LPCAT2: variants seen among roughly 807,000 people sequenced by gnomAD.
The protein encoded by LPCAT2 is 1-AGP acyltransferase 11.
A neutral mutation model predicts 64.7 loss-of-function variants in LPCAT2; 58 were observed. The ratio of observed to expected loss-of-function variants is 0.90; its 90% CI spans 0.73 to 1.12. The LOEUF (loss-of-function observed/expected upper bound fraction) is 1.12, where lower values mean the gene tolerates loss of function less well. Ranked by LOEUF, LPCAT2 falls within the 50% of genes most tolerant of loss-of-function variation. LPCAT2 has a pLI of 0.00. For synonymous variants in LPCAT2, 252 were observed against 245.3 expected (o/e 1.03, Z -0.26); for missense variants, 579 against 669.8 (o/e 0.86, Z 1.50).
intron 1 of LPCAT2, among the ~76,000 whole-genome samples, chr16:55,514,510 G>T (rs1962979383): frequency 6.6e-6 from 1 of 152,120 alleles, no homozygotes; most frequent in Non-Finnish European, 1.5e-5. Flanking sequence ...TAGCCACAAT[G>T]ACAAAGAATA....
At chr16:55,535,399 T>C (rs1367373585) in intron 7 of LPCAT2, among the ~76,000 whole-genome samples, 1 of 152,200 alleles carries the variant, frequency 6.6e-6, no homozygotes. Context: ...TTTGAAATAA[T>C]AAATTTAAAT....
chr16:55,582,166 A>G (rs551894395), intron 13 of LPCAT2, among the ~76,000 whole-genome samples: 4 of 152,346 alleles, frequency 2.6e-5, no homozygotes, highest in African/African-American at 9.6e-5. Flanking sequence ...GAAGTTTTAT[A>G]AAGTGAACAC....
At chr16:55,533,000 G>A in intron 6 of LPCAT2, 118 bp downstream of exon 6, 1 of 764,200 alleles carries the variant, frequency 1.3e-6, no homozygotes, top group Middle Eastern at 2.5e-4. Flanking sequence ...AAGCAAATGG[G>A]AGAGCTCATT....
intron 11 of LPCAT2, among the ~76,000 whole-genome samples, chr16:55,557,300 T>C (rs781699545): frequency 1.3e-5 from 2 of 151,084 alleles, no homozygotes; most frequent in Non-Finnish European, 3.0e-5. Flanking sequence ...CTTCTCTCTC[T>C]CTCTCTTTCT....
chr16:55,530,904 G>T (rs1305201010), intron 4 of LPCAT2, among the ~76,000 whole-genome samples: 1 of 152,080 alleles, frequency 6.6e-6, no homozygotes, highest in Non-Finnish European at 1.5e-5. Flanking sequence ...TCAGGCATTG[G>T]CTGAACTACC....
At chr16:55,523,894 T>C (rs2142395743) in intron 1 of LPCAT2, among the ~76,000 whole-genome samples, 1 of 151,954 alleles carries the variant, frequency 6.6e-6, no homozygotes, top group Non-Finnish European at 1.5e-5. Flanking sequence ...AAATAGGTGT[T>C]TTTTCTTTTA....
intron 7 of LPCAT2, among the ~76,000 whole-genome samples, chr16:55,537,269 T>A (rs1425184513): frequency 6.6e-6 from 1 of 152,020 alleles, no homozygotes; most frequent in Admixed American, 6.6e-5. Flanking sequence ...CTCACACCTG[T>A]AGTCTCAGCT....
intron 1 of LPCAT2, among the ~76,000 whole-genome samples, chr16:55,512,331 A>G (rs2142385971): frequency 6.6e-6 from 1 of 152,346 alleles, no homozygotes; most frequent in African/African-American, 2.4e-5. Context: ...TAGTCAAAAT[A>G]TGAAAAACTA....
intron 1 of LPCAT2, among the ~76,000 whole-genome samples, chr16:55,521,668 G>A (rs1963098011): frequency 6.6e-6 from 1 of 151,612 alleles, no homozygotes; most frequent in Non-Finnish European, 1.5e-5. Context: ...AGGAATATAA[G>A]GTTGATTTAA....
intron 8 of LPCAT2, among the ~76,000 whole-genome samples, chr16:55,544,781 C>T (rs1427191117): frequency 6.6e-6 from 1 of 152,106 alleles, no homozygotes; most frequent in Non-Finnish European, 1.5e-5. Flanking sequence ...TGCTCTCATA[C>T]TCCAGGAAGG....
intron 1 of LPCAT2, among the ~76,000 whole-genome samples, chr16:55,514,694 G>A (rs1203207633): frequency 6.6e-6 from 1 of 152,112 alleles, no homozygotes; most frequent in African/African-American, 2.4e-5. Context: ...ACAAAGTATA[G>A]CTTATAAATA....
chr16:55,537,482 T>G, intron 7 of LPCAT2, 96 bp from the exon 8 acceptor site: 1 of 898,324 alleles, frequency 1.1e-6, no homozygotes, highest in East Asian at 2.6e-5. Flanking sequence ...TGAAGTGTGA[T>G]GTGAGGGTAT....
chr16:55,559,815 C>A (rs2142406649), intron 11 of LPCAT2, among the ~76,000 whole-genome samples: 2 of 143,430 alleles, frequency 1.4e-5, no homozygotes, highest in East Asian at 2.1e-4. Flanking sequence ...GACACATAAA[C>A]TTTTCTATTC....
At chr16:55,516,557 A>G (rs1291443352) in intron 1 of LPCAT2, among the ~76,000 whole-genome samples, 3 of 152,244 alleles carry the variant, frequency 2.0e-5, no homozygotes, top group African/African-American at 4.8e-5. Flanking sequence ...TGCTAAAGAA[A>G]GACATTTATA....
chr16:55,552,859 G>C (rs1466436959), intron 11 of LPCAT2, among the ~76,000 whole-genome samples: 2 of 127,284 alleles, frequency 1.6e-5, no homozygotes, highest in Non-Finnish European at 3.3e-5. Flanking sequence ...GGTAGTTGCT[G>C]AAGGCTGGGC....
chr16:55,563,770 T>C (rs1159190009), intron 11 of LPCAT2, among the ~76,000 whole-genome samples: 12 of 151,884 alleles, frequency 7.9e-5, no homozygotes, highest in Admixed American at 7.2e-4. Context: ...GACTGAAAGC[T>C]TTTCCTCTAA....
At chr16:55,514,360 C>A (rs561304188) in intron 1 of LPCAT2, among the ~76,000 whole-genome samples, 1 of 152,278 alleles carries the variant, frequency 6.6e-6, no homozygotes, top group South Asian at 2.1e-4. Flanking sequence ...TCATCTGTCA[C>A]CTGACTGTTT....
At chr16:55,535,909 T>C (rs1305051803) in intron 7 of LPCAT2, among the ~76,000 whole-genome samples, 1 of 152,090 alleles carries the variant, frequency 6.6e-6, no homozygotes, top group Non-Finnish European at 1.5e-5. Flanking sequence ...AATAGACGGG[T>C]TTAGTTAATC....
In LPCAT2 at chr16:55,563,935, T is replaced by C. The variant is rs117403967; in HGVS notation, c.1216-10696T>C. ...TCTCTGTTAACAAATGATATGATCT[T>C]ATTTGTAGAAAACCCTAAAGATTAC... is the stretch of plus-strand genomic sequence containing the variant. On this transcript the variant is annotated intron_variant, in intron 11 of 13. Coordinates refer to ENST00000262134, the MANE Select transcript of LPCAT2 (RefSeq NM_017839.5). Among the ~76,000 whole-genome samples the C allele has an allele frequency of 1.8e-3, 279 of 151,996 alleles. 5 individuals carry two copies. In the East Asian group the frequency reaches 0.025, roughly 14 times the overall value.
Sources: allele counts gnomAD v4.1 joint callset (sites outside exome capture counted in the v4.1 genomes callset), GRCh38; gene constraint gnomAD v4.1.1; transcripts MANE v1.5; gene names NCBI Gene and HGNC (gene_info 2026-07-23, HGNC 2026-07-21).